POTEI: variants seen among roughly 807,000 people sequenced by gnomAD.
POTEI encodes the protein POTE ankyrin domain family, member I.
Under a neutral mutation model 43.4 loss-of-function variants are expected in POTEI, and 14 were observed. That is an observed-to-expected ratio of 0.32 (90% CI 0.21 to 0.50). The LOEUF (loss-of-function observed/expected upper bound fraction) is 0.50. POTEI is among the 20% of genes least tolerant of loss of function. The probability of loss-of-function intolerance (pLI) is 0.98; values close to 1 mark genes in which losing one functional copy is unlikely to be tolerated. For missense variants in POTEI, 235 were observed against 795.4 expected (o/e 0.30, Z 8.47); for synonymous variants, 95 against 297.9 (o/e 0.32, Z 7.01).
In POTEI at chr2:130,477,139, A is replaced by C. The variant is rs559211652; in HGVS notation, c.1481-438T>G. On this transcript the variant is annotated intron_variant, in intron 10 of 14. Transcript: ENST00000451531. Reference sequence around the variant, plus strand: ...TTCCCTCCACTATTCTGACAAATTTATTTTCTTTTTTTCTTTTTTCTTTTT... The same window carrying C: ...TTCCCTCCACTATTCTGACAAATTTCTTTTCTTTTTTTCTTTTTTCTTTTT... 5.4e-4 allele frequency among the ~76,000 whole-genome samples: 80 copies of C among 148,842 alleles called. 2 individuals carry two copies. In the South Asian group the frequency reaches 0.012, roughly 22 times the overall value.
intron 6 of POTEI, among the ~76,000 whole-genome samples, chr2:130,491,626 C>T (rs1262543087): frequency 1.1e-4 from 2 of 17,634 alleles, no homozygotes; most frequent in African/African-American, 2.7e-4. Context: ...TTTCCCTCCA[C>T]GATTCAGACA....
intron 6 of POTEI, among the ~76,000 whole-genome samples, chr2:130,494,948 C>A (rs1349702325): frequency 1.7e-4 from 17 of 102,544 alleles, no homozygotes; most frequent in African/African-American, 4.6e-4. Flanking sequence ...ACTTTTGGTA[C>A]TAGCAAAAGT....
chr2:130,464,580 C>A (rs1407955513), intron 14 of POTEI, among the ~76,000 whole-genome samples: 9 of 150,638 alleles, frequency 6.0e-5, no homozygotes, highest in Admixed American at 5.9e-4. Flanking sequence ...TCCTAAGAGC[C>A]TTAGCTATGC....
intron 9 of POTEI, 74 bp downstream of exon 9, chr2:130,487,957 CA>C (rs1164283373): frequency 3.7e-6 from 2 of 538,728 alleles, no homozygotes; most frequent in Non-Finnish European, 6.3e-6. Context: ...ATTTGTTCAT[CA>C]TGAATATTAG....
At chr2:130,468,955 G>A (rs1456084314) in intron 13 of POTEI, among the ~76,000 whole-genome samples, 4 of 151,360 alleles carry the variant, frequency 2.6e-5, no homozygotes, top group Non-Finnish European at 4.4e-5. Flanking sequence ...ACAAGAAAAG[G>A]AATTTAAAAA....
rs1311531767 is a variant in POTEI at position 130,468,764 on chromosome 2, G to A, written c.1779-2992C>T. On this transcript the variant is annotated intron_variant, in intron 13 of 14. Coordinates refer to ENST00000451531, the MANE Select transcript of POTEI (RefSeq NM_001277406.2). Reference sequence around the variant, plus strand: ...ATGTCATTATTTATAATTCAAAATAGCAATTTTTATTACTTATGATTTTGT... The same window carrying A: ...ATGTCATTATTTATAATTCAAAATAACAATTTTTATTACTTATGATTTTGT... Among the ~76,000 whole-genome samples, 7 of 151,920 alleles carry A rather than the reference G, an allele frequency of 4.6e-5. No individual in the cohort carries two copies. In the East Asian group the frequency reaches 9.7e-4, roughly 21 times the overall value.
upstream of POTEI, chr2:130,509,654 A>G: frequency 1.4e-5 from 1 of 72,716 alleles, no homozygotes; most frequent in Non-Finnish European, 2.3e-5. Flanking sequence ...GCTACAGGCC[A>G]GCCAAGCAGT....
At chr2:130,507,650 T>A (rs1359354253) in intron 1 of POTEI, among the ~76,000 whole-genome samples, 2 of 10,212 alleles carry the variant, frequency 2.0e-4, no homozygotes, top group African/African-American at 4.3e-4. Context: ...AATTTCCTAT[T>A]CTGTTCTATT....
In POTEI at chr2:130,461,417, C is replaced by T. The variant is rs1307531305; in HGVS notation, c.*1399G>A. ...CAGAGACCCTGGTTGAAAGACTTCA[C>T]CCACTGACTAGAAATGTGGTCAGGG... On this transcript the variant is annotated 3_prime_UTR_variant, in exon 15 of 15. Coordinates refer to ENST00000451531, the MANE Select transcript of POTEI (RefSeq NM_001277406.2). The T allele has an allele frequency of 2.0e-5, 3 of 152,062 alleles. No individual in the cohort carries two copies. The East Asian group carries it at 5.8e-4, about 30-fold the overall frequency. The allele number at this position is 152,062 out of a possible 1,614,324, so 9.4% of individuals were successfully genotyped here.
chr2:130,474,079 A>T (rs1402786254), intron 13 of POTEI, among the ~76,000 whole-genome samples: 1 of 147,828 alleles, frequency 6.8e-6, no homozygotes, highest in East Asian at 2.0e-4. Flanking sequence ...AGCCTCCATG[A>T]TACAGTTTAC....
In POTEI at chr2:130,461,336, T is replaced by C. The variant is rs1226271861; in HGVS notation, c.*1480A>G. The stretch of plus-strand genomic sequence containing the variant: ...ACAATCTGGTCCTCCCCCTGGGAGC[T>C]CTGACTCAGGGAGGCCTGAGACCTC... On this transcript the variant is annotated 3_prime_UTR_variant, in exon 15 of 15. Coordinates refer to ENST00000451531, the MANE Select transcript of POTEI (RefSeq NM_001277406.2). The C allele has an allele frequency of 6.6e-6, 1 of 152,090 alleles. No homozygotes were observed. The highest frequency in any genetic ancestry group is 1.5e-5 in the Non-Finnish European group (1 of 68,060). The allele number at this position is 152,090 out of a possible 1,614,324, so 9.4% of individuals were successfully genotyped here.
chr2:130,491,432 T>C (rs1377632291), intron 6 of POTEI, among the ~76,000 whole-genome samples: 1 of 130,616 alleles, frequency 7.7e-6, no homozygotes, highest in Non-Finnish European at 1.6e-5. Flanking sequence ...CCTGTCTTTG[T>C]TCAGGGCTCA....
At chr2:130,467,642 G>C (rs1401224923) in intron 13 of POTEI, among the ~76,000 whole-genome samples, 2 of 151,948 alleles carry the variant, frequency 1.3e-5, no homozygotes, top group African/African-American at 4.8e-5. Context: ...AAACTAAAAA[G>C]CTTCAGCACA....
chr2:130,461,506 T>C lies in POTEI; in HGVS notation c.*1310A>G, dbSNP rs995973618. ...TGGCTGTGCTGTGCTGAGGTACCTC[T>C]TCCACCCCTTGTCAGCTTGGGCTCT... On this transcript the variant is annotated 3_prime_UTR_variant, in exon 15 of 15. Coordinates refer to ENST00000451531, the MANE Select transcript of POTEI (RefSeq NM_001277406.2). 6.6e-6 allele frequency: 1 copy of C among 152,242 alleles called. No homozygotes were observed. Among genetic ancestry groups the C allele is most frequent in the African/African-American group, 2.4e-5 (1 of 41,426 alleles). The allele number at this position is 152,242 out of a possible 1,614,324, so 9.4% of individuals were successfully genotyped here.
intron 6 of POTEI, among the ~76,000 whole-genome samples, chr2:130,491,293 T>C (rs4044411): frequency 1.6e-3 from 157 of 101,098 alleles, no homozygotes; most frequent in East Asian, 2.9e-3. Context: ...CAAATGCATA[T>C]TATTTGCAAG....
At chr2:130,491,826 C>T (rs1339329364) in intron 6 of POTEI, among the ~76,000 whole-genome samples, 18 of 75,112 alleles carry the variant, frequency 2.4e-4, no homozygotes, top group African/African-American at 4.4e-4. Flanking sequence ...TGCTAATTTT[C>T]GTGTTTTTAG....
chr2:130,482,815 G>A (rs1260099596), intron 9 of POTEI, among the ~76,000 whole-genome samples: 47 of 144,582 alleles, frequency 3.3e-4, no homozygotes, highest in African/African-American at 1.2e-3. Context: ...AAAAACCAAT[G>A]GATGTTAAGA....
chr2:130,505,171 G>C (rs1340161612), intron 1 of POTEI, among the ~76,000 whole-genome samples: 2 of 147,038 alleles, frequency 1.4e-5, no homozygotes, highest in African/African-American at 5.0e-5. Context: ...TGCTGTATTT[G>C]GTTTTCTCTT....
At chr2:130,483,341 TAC>T (rs1239595079) in intron 9 of POTEI, among the ~76,000 whole-genome samples, 2 of 35,900 alleles carry the variant, frequency 5.6e-5, no homozygotes, top group Non-Finnish European at 1.4e-4. Context: ...GCCTGGGCGA[TAC>T]AGTGAGACTC....
Sources: gnomAD v4.1 joint callset for allele counts (sites outside exome capture counted in the v4.1 genomes callset) on GRCh38, gnomAD v4.1.1 for gene constraint, MANE v1.5 for transcripts, NCBI Gene and HGNC (gene_info 2026-07-23, HGNC 2026-07-21) for gene names.